TAF12: variants seen among roughly 807,000 people sequenced by gnomAD.
TAF12 encodes the protein TATA-box binding protein associated factor 12, also known as transcription initiation factor TFIID subunit 12.
A neutral mutation model predicts 20.8 loss-of-function variants in TAF12; 3 were observed. The observed-to-expected ratio is 0.14, with a 90% confidence interval of 0.07 to 0.37. The LOEUF (loss-of-function observed/expected upper bound fraction) is 0.37. Ranked by LOEUF, TAF12 falls within the 10% of genes least tolerant of loss-of-function variation. TAF12 has a pLI of 1.00. For missense variants in TAF12, 131 were observed against 197.9 expected, an observed-to-expected ratio of 0.66 and a Z score of 2.03; for synonymous variants, 69 against 70.2, an observed-to-expected ratio of 0.98 and a Z score of 0.09.
chr1:28,626,747 A>G (rs1195901808), intron 1 of TAF12, among the ~76,000 whole-genome samples: 1 of 151,204 alleles, frequency 6.6e-6, no homozygotes, highest in African/African-American at 2.4e-5. Flanking sequence ...CAACTCTACT[A>G]AAAATACAAA....
intron 2 of TAF12, among the ~76,000 whole-genome samples, chr1:28,619,423 G>A (rs796799230): frequency 4.1e-5 from 6 of 147,752 alleles, no homozygotes; most frequent in African/African-American, 7.5e-5. Flanking sequence ...GCGTGAACCC[G>A]GGAGGCAGAG....
intron 3 of TAF12, among the ~76,000 whole-genome samples, chr1:28,616,906 G>A (rs1335658555): frequency 6.6e-6 from 1 of 151,884 alleles, no homozygotes; most frequent in African/African-American, 2.4e-5. Context: ...GATCACCTAA[G>A]GTCAGGAGTT....
intron 3 of TAF12, among the ~76,000 whole-genome samples, chr1:28,614,607 G>C (rs147490777): frequency 6.6e-6 from 1 of 151,490 alleles, no homozygotes; most frequent in Non-Finnish European, 1.5e-5. Context: ...CGCTGAAGCC[G>C]GGGCAGCAGA....
intron 4 of TAF12, among the ~76,000 whole-genome samples, chr1:28,609,989 T>C (rs1666798106): frequency 6.6e-6 from 1 of 151,910 alleles, no homozygotes; most frequent in South Asian, 2.1e-4. Context: ...ATTTTTTTTT[T>C]CTTTTTTTTG....
intron 1 of TAF12, among the ~76,000 whole-genome samples, chr1:28,639,540 C>CT (rs1667966235): frequency 6.6e-6 from 1 of 151,602 alleles, no homozygotes; most frequent in Non-Finnish European, 1.5e-5. Context: ...TAAGTCAACG[C>CT]TAGAGCCACA....
upstream of TAF12, among the ~76,000 whole-genome samples, chr1:28,644,808 T>C (rs1163530490): frequency 6.6e-6 from 1 of 152,216 alleles, no homozygotes; most frequent in African/African-American, 2.4e-5. Flanking sequence ...CAGGGGTTTG[T>C]TATAGTCTGG....
intron 1 of TAF12, among the ~76,000 whole-genome samples, chr1:28,640,792 G>A (rs549166140): frequency 9.9e-5 from 15 of 152,128 alleles, no homozygotes; most frequent in Non-Finnish European, 1.9e-4. Context: ...TTATTTAAAG[G>A]TTCCAGCCAG....
intron 1 of TAF12, among the ~76,000 whole-genome samples, chr1:28,624,589 A>C (rs745894032): frequency 1.3e-5 from 2 of 152,004 alleles, no homozygotes; most frequent in Non-Finnish European, 2.9e-5. Flanking sequence ...GTTACTAAAA[A>C]TACAAAAACT....
At chr1:28,640,687 C>T (rs1022521217) in intron 1 of TAF12, among the ~76,000 whole-genome samples, 1 of 152,132 alleles carries the variant, frequency 6.6e-6, no homozygotes, top group African/African-American at 2.4e-5. Flanking sequence ...TATCCAAAAG[C>T]AGCCATCCCT....
At chr1:28,639,513 T>C (rs900512918) in intron 1 of TAF12, among the ~76,000 whole-genome samples, 1 of 152,054 alleles carries the variant, frequency 6.6e-6, no homozygotes, top group Non-Finnish European at 1.5e-5. Context: ...ATCGGGTATT[T>C]TGAAGTCCTA....
chr1:28,615,678 C>CAAA (rs57536422), intron 3 of TAF12, among the ~76,000 whole-genome samples: 607 of 34,612 alleles, frequency 0.018, 4 homozygotes, highest in East Asian at 0.024. Flanking sequence ...GACTCCGTCT[C>CAAA]AAAAAAAAAA....
intron 4 of TAF12, 28 bp downstream of exon 4, chr1:28,613,219 T>C (rs1008086396): frequency 8.9e-6 from 14 of 1,570,760 alleles, no homozygotes; most frequent in Non-Finnish European, 1.2e-5. Flanking sequence ...GTTGAATCCA[T>C]ACTTCAGGGA....
At chr1:28,638,915 C>T (rs373668790) in intron 1 of TAF12, among the ~76,000 whole-genome samples, 5 of 151,152 alleles carry the variant, frequency 3.3e-5, no homozygotes, top group African/African-American at 1.2e-4. Context: ...CCTCAGCCTC[C>T]CAAGTAGCTG....
chr1:28,610,248 G>A (rs1242852257), intron 4 of TAF12, among the ~76,000 whole-genome samples: 5 of 152,094 alleles, frequency 3.3e-5, no homozygotes, highest in East Asian at 3.9e-4. Context: ...GATTACAGGC[G>A]TGAGCCACTG....
Position 28,621,963 on chromosome 1 carries a change from A to G in TAF12, c.119T>C (p.Ile40Thr), listed in dbSNP as rs376623498. The G allele has an allele frequency of 6.9e-5, 112 of 1,613,796 alleles. No individual in the cohort carries two copies. The highest frequency in any genetic ancestry group is 8.6e-5 in the Non-Finnish European group (101 of 1,179,980). ...ACCTCCTGCCCCAGGAGTGCCTGGT[A>G]TCTTTACCACTGCAGTACTATTGGC... ...SMANSTAVVKIPGTPGAGGRL... is the reference protein window; with the variant it reads ...SMANSTAVVKTPGTPGAGGRL... The change falls in exon 2 of 6, where the codon ATA (isoleucine) becomes ACA (threonine). Residue 40 changes from isoleucine to threonine, a missense_variant. Physicochemically the swap from Ile to Thr is moderately conservative, Grantham distance 89. Around this residue, in one of 3 missense-constraint regions of TAF12, gnomAD observed 63 missense variants for 72.1 expected, o/e 0.87. Coordinates refer to ENST00000373824, the MANE Select transcript of TAF12 (RefSeq NM_005644.4).
rs142938784 is a variant in TAF12, at chr1:28,626,712, C to T, written c.-84-4547G>A. ...ACACCTGAGATCAGGAGTTCGAGAC[C>T]GGCCTGGCCACCATGGTGAAACCCC... On this transcript the variant is annotated intron_variant, in intron 1 of 5. Transcript: ENST00000373824. Among the ~76,000 whole-genome samples the T allele has an allele frequency of 7.5e-3, 1,146 of 151,966 alleles. 13 individuals carry two copies. The highest frequency in any genetic ancestry group is 0.026 in the African/African-American group (1,086 of 41,422).
rs186151288 is a variant in TAF12 at position 28,634,430 on chromosome 1, A to C, written c.-85+8562T>G. Among the ~76,000 whole-genome samples the C allele has an allele frequency of 3.8e-4, 58 of 151,494 alleles. 1 individual carries two copies. The highest frequency in any genetic ancestry group is 6.8e-3 in the Middle Eastern group (2 of 294). On this transcript the variant is annotated intron_variant, in intron 1 of 5. Transcript: ENST00000373824. ...GACTCCATCTCAAAAAAAAAAAAAA[A>C]AAAAAACCCCACAAAAAACAGGCAT...
chr1:28,617,453 C>CT lies in TAF12; in HGVS notation c.246+499dup, dbSNP rs1332175123. Among the ~76,000 whole-genome samples, 186 of 141,950 alleles carry CT rather than the reference C, an allele frequency of 1.3e-3. 1 individual carries two copies. Among genetic ancestry groups the CT allele is most frequent in the East Asian group, 5.1e-3 (25 of 4,914 alleles). The allele number at this position is 141,950 out of a possible 152,430, so 93.1% of individuals were successfully genotyped here. ...CCACCACGCTCAGCTAATTTTTTTT[C>CT]TTTTTTTTTTTTTGAGATGGAGTCT... On this transcript the variant is annotated intron_variant, in intron 3 of 5. Transcript: ENST00000373824.
In TAF12 at chr1:28,605,405, G is replaced by A; in HGVS notation, c.417C>T (p.Tyr139=). Residue 139 remains tyrosine, a synonymous_variant, in exon 5 of 6, where the codon TAC becomes TAT. Transcript: ENST00000373824. ...PGFGSEEIRP[Y]KKACTTEAHK... ...GAGCTTCTGTGGTGCAAGCTTTTTT[G>A]TAGGGTCGGATTTCTTCAGAGCCAA... is the stretch of plus-strand genomic sequence containing the variant. The A allele has an allele frequency of 6.2e-7, 1 of 1,614,070 alleles. No individual in the cohort carries two copies. The highest frequency in any genetic ancestry group is 8.5e-7 in the Non-Finnish European group (1 of 1,180,000).
Sources: gnomAD v4.1 joint callset for allele counts (sites outside exome capture counted in the v4.1 genomes callset) on GRCh38, gnomAD v4.1.1 for gene constraint, gnomAD v4.1.1 regional missense constraint, MANE v1.5 for transcripts, NCBI Gene and HGNC (gene_info 2026-07-23, HGNC 2026-07-21) for gene names.